The following KLHL32 variants were observed in gnomAD, a reference collection of about 807,000 sequenced individuals.
KLHL32 encodes the protein kelch like family member 32.
In KLHL32, 35 loss-of-function variants were observed where a neutral mutation model predicts 64.8. The observed-to-expected ratio is 0.54, with a 90% confidence interval of 0.41 to 0.72. KLHL32 has a LOEUF of 0.72. KLHL32 is among the 30% of genes least tolerant of loss of function. The probability of loss-of-function intolerance (pLI) is 0.00; values close to 1 mark genes in which losing one functional copy is unlikely to be tolerated. For missense variants in KLHL32, 589 were observed against 768.5 expected, an observed-to-expected ratio of 0.77 and a Z score of 2.76; for synonymous variants, 259 against 281.0, an observed-to-expected ratio of 0.92 and a Z score of 0.78.
rs570029003 is a variant in KLHL32, at chr6:97,018,121, A to C, written c.205-23371A>C. Among the ~76,000 whole-genome samples, 3 of 151,524 alleles carry C rather than the reference A, an allele frequency of 2.0e-5. No homozygotes were observed. In the East Asian group the frequency reaches 5.8e-4, roughly 29 times the overall value. On this transcript the variant is annotated intron_variant, in intron 3 of 10. Coordinates refer to ENST00000369261, the MANE Select transcript of KLHL32 (RefSeq NM_052904.4). ...AAACTAGTTATTGATGCAGTCAAAA[A>C]GAGTACAGTAAGTATAATTAATATT...
At chr6:96,991,144 C>A (rs1353358322) in intron 3 of KLHL32, among the ~76,000 whole-genome samples, 6 of 152,026 alleles carry the variant, frequency 3.9e-5, no homozygotes, top group African/African-American at 1.4e-4. Flanking sequence ...CCCTCAGGTT[C>A]TTTGTTCCTT....
At chr6:97,050,741 G>T (rs577782841) in intron 4 of KLHL32, among the ~76,000 whole-genome samples, 1 of 152,292 alleles carries the variant, frequency 6.6e-6, no homozygotes, top group South Asian at 2.1e-4. Flanking sequence ...AGTGGCTCAT[G>T]CCTGTAATCC....
intron 7 of KLHL32, among the ~76,000 whole-genome samples, chr6:97,119,053 A>C (rs1272098616): frequency 6.6e-6 from 1 of 152,130 alleles, no homozygotes; most frequent in Non-Finnish European, 1.5e-5. Context: ...CTCACACTTG[A>C]ACTTCATGGT....
At chr6:97,125,210 T>G (rs1798752489) in intron 7 of KLHL32, among the ~76,000 whole-genome samples, 1 of 152,178 alleles carries the variant, frequency 6.6e-6, no homozygotes. Flanking sequence ...AAAGATATAA[T>G]CTCCCTCCTG....
intron 5 of KLHL32, among the ~76,000 whole-genome samples, chr6:97,077,493 G>T (rs1373263183): frequency 2.0e-5 from 3 of 152,018 alleles, no homozygotes; most frequent in African/African-American, 7.2e-5. Flanking sequence ...GGGAAAGGGG[G>T]AAAAATCTAA....
upstream of KLHL32, among the ~76,000 whole-genome samples, chr6:96,924,377 G>A (rs1437910904): frequency 6.6e-5 from 10 of 151,872 alleles, no homozygotes; most frequent in Non-Finnish European, 1.0e-4. Context: ...CCCAGGGGCC[G>A]GCGACGCAGG....
chr6:97,047,369 A>G (rs1333384567), intron 4 of KLHL32, among the ~76,000 whole-genome samples: 1 of 152,182 alleles, frequency 6.6e-6, no homozygotes, highest in African/African-American at 2.4e-5. Context: ...ACAGCCATGC[A>G]TGGAGGCCAT....
At chr6:96,992,143 C>G (rs1004105949) in intron 3 of KLHL32, among the ~76,000 whole-genome samples, 2 of 152,246 alleles carry the variant, frequency 1.3e-5, no homozygotes, top group Non-Finnish European at 2.9e-5. Flanking sequence ...GATTTGCCCC[C>G]ATCCTGGTGG....
intron 1 of KLHL32, among the ~76,000 whole-genome samples, chr6:96,944,250 A>G (rs1456190141): frequency 6.6e-6 from 1 of 152,248 alleles, no homozygotes; most frequent in Non-Finnish European, 1.5e-5. Flanking sequence ...AATTCAAGGT[A>G]TCAGAATAAA....
intron 3 of KLHL32, among the ~76,000 whole-genome samples, chr6:97,010,552 A>T (rs1436619784): frequency 6.6e-6 from 1 of 152,300 alleles, no homozygotes; most frequent in African/African-American, 2.4e-5. Context: ...GTTATTTTAG[A>T]TATTGAAGAA....
intron 6 of KLHL32, among the ~76,000 whole-genome samples, chr6:97,101,269 G>A (rs367684690): frequency 5.3e-5 from 8 of 152,002 alleles, no homozygotes; most frequent in South Asian, 2.1e-4. Flanking sequence ...AAGATGATTC[G>A]TGTGCGTTTC....
At chr6:97,077,213 G>A (rs1040405684) in intron 5 of KLHL32, among the ~76,000 whole-genome samples, 6 of 152,170 alleles carry the variant, frequency 3.9e-5, no homozygotes, top group Admixed American at 2.6e-4. Context: ...GGGTTGTCCC[G>A]CAGAAGGGAA....
At chr6:97,003,436 C>T (rs1229034214) in intron 3 of KLHL32, among the ~76,000 whole-genome samples, 1 of 152,112 alleles carries the variant, frequency 6.6e-6, no homozygotes, top group Non-Finnish European at 1.5e-5. Flanking sequence ...TTCTCCCATT[C>T]TCTATAGTGC....
At chr6:97,067,965 C>T (rs1412943496) in intron 5 of KLHL32, among the ~76,000 whole-genome samples, 2 of 151,810 alleles carry the variant, frequency 1.3e-5, no homozygotes, top group Admixed American at 1.3e-4. Context: ...TCTCAGTCCC[C>T]TTTAGATTGT....
At chr6:96,986,413 A>G (rs1418243705) in intron 3 of KLHL32, among the ~76,000 whole-genome samples, 4 of 152,184 alleles carry the variant, frequency 2.6e-5, no homozygotes, top group Non-Finnish European at 4.4e-5. Flanking sequence ...AGACAGGGAC[A>G]TTTAAGTCTG....
chr6:97,013,154 G>A (rs1223061784), intron 3 of KLHL32, among the ~76,000 whole-genome samples: 1 of 152,166 alleles, frequency 6.6e-6, no homozygotes, highest in East Asian at 1.9e-4. Context: ...ATTTTCTTGT[G>A]AGAAATAACA....
At chr6:96,923,097 G>T (rs1483506574), upstream of KLHL32, among the ~76,000 whole-genome samples, 1 of 152,204 alleles carries the variant, frequency 6.6e-6, no homozygotes, top group African/African-American at 2.4e-5. Flanking sequence ...CAGATGGTGA[G>T]TTGGTGGTGT....
At chr6:97,050,245 C>T (rs1786648767) in intron 4 of KLHL32, among the ~76,000 whole-genome samples, 1 of 152,134 alleles carries the variant, frequency 6.6e-6, no homozygotes, top group Admixed American at 6.5e-5. Flanking sequence ...CATTTTCTTG[C>T]TGTCACTTGG....
Position 97,139,224 on chromosome 6 carries a change from T to G in KLHL32, c.1805T>G (p.Phe602Cys), listed in dbSNP as rs369640379. The change falls in exon 11 of 11, where the codon TTT becomes TGT. Residue 602 changes from phenylalanine to cysteine, a missense_variant. Transcript: ENST00000369261. ...IAACFLPAPY[F>C]TCPNLQTLQV... ...GCATGCTTCCTTCCAGCTCCATATT[T>G]TACATGCCCTAACCTTCAAACTCTT... 1.2e-6 allele frequency: 2 copies of G among 1,613,938 alleles called. No homozygotes were observed. Among genetic ancestry groups the G allele is most frequent in the African/African-American group, 2.7e-5 (2 of 74,910 alleles).
Sources: gnomAD v4.1 joint callset for allele counts (sites outside exome capture counted in the v4.1 genomes callset) on GRCh38, gnomAD v4.1.1 for gene constraint, MANE v1.5 for transcripts, NCBI Gene and HGNC (gene_info 2026-07-23, HGNC 2026-07-21) for gene names.